PCDHGA6: variants seen among roughly 807,000 people sequenced by gnomAD.
The protein encoded by PCDHGA6 is protocadherin gamma subfamily A, 6, also known as protocadherin gamma-A6.
A neutral mutation model predicts 60.6 loss-of-function variants in PCDHGA6; 41 were observed. The ratio of observed to expected loss-of-function variants is 0.68; its 90% CI spans 0.53 to 0.88. PCDHGA6 has a LOEUF of 0.88. Ranked by LOEUF, PCDHGA6 falls within the 40% of genes least tolerant of loss-of-function variation. PCDHGA6 has a pLI of 0.00. For synonymous variants in PCDHGA6, 594 were observed against 524.4 expected, an observed-to-expected ratio of 1.13 and a Z score of -1.81; for missense variants, 1,312 against 1,203.0, an observed-to-expected ratio of 1.09 and a Z score of -1.34.
At chr5:141,415,189 A>G (rs575244490) in intron 1 of PCDHGA6, 2 of 1,613,958 alleles carry the variant, frequency 1.2e-6, no homozygotes, top group Non-Finnish European at 1.7e-6. Context: ...GGCCGACAGC[A>G]TCCCCCAAGT....
Position 141,477,856 on chromosome 5 carries a change from G to T in PCDHGA6, c.2425-16951G>T, listed in dbSNP as rs773703641. ...CAGGTGGGAGCTCGGTGGAGATGCTGCCTCGAGGTACCTCAGCTGGCCACC... is the reference window on the plus strand; with the variant it reads ...CAGGTGGGAGCTCGGTGGAGATGCTTCCTCGAGGTACCTCAGCTGGCCACC... On this transcript the variant is annotated intron_variant, in intron 1 of 3. Coordinates refer to ENST00000517434, the MANE Select transcript of PCDHGA6 (RefSeq NM_018919.3). This position sits in a 1 kb window ranked among gnomAD's most constrained non-coding sequence, Gnocchi z 4.9. 1 of 1,613,474 alleles carries T rather than the reference G, an allele frequency of 6.2e-7. No homozygotes were observed. Among genetic ancestry groups the T allele is most frequent in the Non-Finnish European group, 8.5e-7 (1 of 1,179,854 alleles).
intron 1 of PCDHGA6, chr5:141,441,694 G>A (rs1443778772): frequency 2.3e-5 from 7 of 301,140 alleles, no homozygotes; most frequent in Non-Finnish European, 2.6e-5. Context: ...GAGCAGCCGC[G>A]AGCCTTCAAG....
intron 2 of PCDHGA6, among the ~76,000 whole-genome samples, chr5:141,496,769 C>T (rs1434587849): frequency 2.0e-5 from 3 of 152,064 alleles, no homozygotes; most frequent in African/African-American, 7.3e-5. Flanking sequence ...CGAGCATCTA[C>T]TATGAGCAGG....
intron 1 of PCDHGA6, among the ~76,000 whole-genome samples, chr5:141,488,600 A>G (rs2099677400): frequency 6.6e-6 from 1 of 152,166 alleles, no homozygotes; most frequent in Admixed American, 6.5e-5. Flanking sequence ...AAGACTTTAC[A>G]AGGTTCTTAC....
At chr5:141,407,856 G>A (rs1038275806) in intron 1 of PCDHGA6, among the ~76,000 whole-genome samples, 2 of 152,210 alleles carry the variant, frequency 1.3e-5, no homozygotes, top group African/African-American at 4.8e-5. Context: ...ATGTACACCT[G>A]CATTTTCGAA....
Position 141,426,411 on chromosome 5 carries a change from C to A in PCDHGA6, c.2424+49904C>A, listed in dbSNP as rs1561821998. 10 of 286,096 alleles carry A rather than the reference C, an allele frequency of 3.5e-5. No homozygotes were observed. In the South Asian group the frequency reaches 3.7e-4, roughly 11 times the overall value. The allele number at this position is 286,096 out of a possible 1,614,324, so 17.7% of individuals were successfully genotyped here. On this transcript the variant is annotated intron_variant, in intron 1 of 3. Coordinates refer to ENST00000517434, the MANE Select transcript of PCDHGA6 (RefSeq NM_018919.3). ...GCTACTCTATTCCAGAAGAAACGGT[C>A]CAGGGCTCCGTGGTGGGGAACCTTG... is the stretch of plus-strand genomic sequence containing the variant.
Position 141,511,451 on chromosome 5 carries a change from A to G in PCDHGA6, c.*278A>G, listed in dbSNP as rs2099883797. On this transcript the variant is annotated 3_prime_UTR_variant, in exon 4 of 4. Coordinates refer to ENST00000517434, the MANE Select transcript of PCDHGA6 (RefSeq NM_018919.3). ...GGGGTTACTGTAGACACCAAGAACC[A>G]TTTGCCACACCCCGTTTAGTTACAG... is the stretch of plus-strand genomic sequence containing the variant. The G allele has an allele frequency of 4.9e-6, 3 of 606,372 alleles. No homozygotes were observed. Among genetic ancestry groups the G allele is most frequent in the Non-Finnish European group, 8.1e-6 (3 of 368,942 alleles). The allele number at this position is 606,372 out of a possible 1,614,324, so 37.6% of individuals were successfully genotyped here.
chr5:141,402,153 T>A (rs2094231712), intron 1 of PCDHGA6, among the ~76,000 whole-genome samples: 1 of 152,166 alleles, frequency 6.6e-6, no homozygotes, highest in Non-Finnish European at 1.5e-5. Flanking sequence ...TTAGCAATAT[T>A]AGGCGAGAAC....
intron 1 of PCDHGA6, among the ~76,000 whole-genome samples, chr5:141,451,072 C>A (rs2098705989): frequency 6.6e-6 from 1 of 152,026 alleles, no homozygotes; most frequent in African/African-American, 2.4e-5. Context: ...TTGTGATCCA[C>A]CCACCTTGAC....
chr5:141,431,296 C>T lies in PCDHGA6; in HGVS notation c.2424+54789C>T, dbSNP rs2097358592. On this transcript the variant is annotated intron_variant, in intron 1 of 3. Transcript: ENST00000517434. The surrounding 1 kb of genome is among the most constrained non-coding windows in gnomAD (Gnocchi z 4.8). ...AGCTCAGCCCGAACACTCACTTCTC[C>T]CTCATCGTGCAAAATGGAGCCGACG... The T allele has an allele frequency of 1.9e-6, 3 of 1,614,018 alleles. No individual in the cohort carries two copies. Among genetic ancestry groups the T allele is most frequent in the Non-Finnish European group, 2.5e-6 (3 of 1,180,048 alleles).
chr5:141,434,795 T>C (rs1027924206), intron 1 of PCDHGA6, among the ~76,000 whole-genome samples: 2 of 152,004 alleles, frequency 1.3e-5, no homozygotes, highest in African/African-American at 2.4e-5. Context: ...TTTTTTTTTC[T>C]GAGCTTGGAG....
chr5:141,385,225 G>C, intron 1 of PCDHGA6: 1 of 1,614,232 alleles, frequency 6.2e-7, no homozygotes, highest in Non-Finnish European at 8.5e-7. Context: ...GCCCAACTAT[G>C]TAGACATGCT....
At chr5:141,415,739 GGTTTTTTTT>G in intron 1 of PCDHGA6, 5 of 434,942 alleles carry the variant, frequency 1.1e-5, no homozygotes, top group African/African-American at 9.8e-5. Context: ...TGTTTATTAA[GGTTTTTTTT>G]TTTTTTTTTT....
At position 141,490,870 on chromosome 5, in the gene PCDHGA6, T is replaced by C; in HGVS notation, c.2425-3937T>C. Reference sequence around the variant, plus strand: ...GGTTCGAGACTCCGGCTCTCCCCCATTGCATGCCAACACATCTCTGCATGT... The same window carrying C: ...GGTTCGAGACTCCGGCTCTCCCCCACTGCATGCCAACACATCTCTGCATGT... On this transcript the variant is annotated intron_variant, in intron 1 of 3. Coordinates refer to ENST00000517434, the MANE Select transcript of PCDHGA6 (RefSeq NM_018919.3). The surrounding 1 kb of genome is among the most constrained non-coding windows in gnomAD (Gnocchi z 5.4). 6.2e-7 allele frequency: 1 copy of C among 1,613,888 alleles called. No homozygotes were observed. Among genetic ancestry groups the C allele is most frequent in the Non-Finnish European group, 8.5e-7 (1 of 1,179,932 alleles).
chr5:141,436,063 A>G (rs1406994228), intron 1 of PCDHGA6, among the ~76,000 whole-genome samples: 1 of 152,230 alleles, frequency 6.6e-6, no homozygotes, highest in Non-Finnish European at 1.5e-5. Flanking sequence ...ATAGAATTTA[A>G]TAAGTACAGT....
At chr5:141,408,220 G>C (rs2095061412) in intron 1 of PCDHGA6, 1 of 1,558,876 alleles carries the variant, frequency 6.4e-7, no homozygotes, top group Non-Finnish European at 8.7e-7. Flanking sequence ...GGAGCTGCGC[G>C]CAGAGGCGCC....
chr5:141,415,740 G>GTTTTTTTTTTTTTTTTTTTTTTT (rs57426385), intron 1 of PCDHGA6: 14 of 625,046 alleles, frequency 2.2e-5, no homozygotes, highest in East Asian at 1.4e-4. Flanking sequence ...GTTTATTAAG[G>GTTTTTTTTTTTTTTTTTTTTTTT]TTTTTTTTTT....
chr5:141,413,090 C>T, intron 1 of PCDHGA6: 1 of 1,391,312 alleles, frequency 7.2e-7, no homozygotes, highest in South Asian at 1.4e-5. Flanking sequence ...ACAGAGACAC[C>T]CTGAAGCCAC....
chr5:141,431,617 C>A lies in PCDHGA6; in HGVS notation c.2424+55110C>A. ...GGTATTCCTTCCGGTATGTGGACGA[C>A]AAGGCGGCCCAAGTTTTCAAACTAG... On this transcript the variant is annotated intron_variant, in intron 1 of 3. Coordinates refer to ENST00000517434, the MANE Select transcript of PCDHGA6 (RefSeq NM_018919.3). This position sits in a 1 kb window ranked among gnomAD's most constrained non-coding sequence, Gnocchi z 4.8. 6.2e-7 allele frequency: 1 copy of A among 1,614,236 alleles called. No homozygotes were observed. Among genetic ancestry groups the A allele is most frequent in the Non-Finnish European group, 8.5e-7 (1 of 1,180,044 alleles).
Sources: allele counts gnomAD v4.1 joint callset (sites outside exome capture counted in the v4.1 genomes callset), GRCh38; gene constraint gnomAD v4.1.1; non-coding constraint Gnocchi (gnomAD v3.1); transcripts MANE v1.5; gene names NCBI Gene and HGNC (gene_info 2026-07-23, HGNC 2026-07-21).